Variants in SMARCAL1 observed in about 807,000 individuals in gnomAD.
The protein encoded by SMARCAL1 is ATP-driven annealing helicase.
In SMARCAL1, 58 loss-of-function variants were observed where a neutral mutation model predicts 94.5. The ratio of observed to expected loss-of-function variants is 0.61; its 90% confidence interval spans 0.50 to 0.76. The LOEUF (loss-of-function observed/expected upper bound fraction) is 0.76, where lower values mean the gene tolerates loss of function less well. Among genes scored for constraint, SMARCAL1 ranks in the 30% least tolerant of loss-of-function variants. The pLI is 0.00. For synonymous variants in SMARCAL1, 422 were observed against 455.1 expected, an observed-to-expected ratio of 0.93 and a Z score of 0.93; for missense variants, 1,051 against 1,177.9, an observed-to-expected ratio of 0.89 and a Z score of 1.58.
At chr2:216,460,430 C>T (rs1694668642) in intron 12 of SMARCAL1, among the ~76,000 whole-genome samples, 1 of 152,064 alleles carries the variant, frequency 6.6e-6, no homozygotes, top group African/African-American at 2.4e-5. Context: ...ACACTTGGAA[C>T]CAACCCAAAT....
chr2:216,477,911 C>T (rs1166863371), intron 16 of SMARCAL1, among the ~76,000 whole-genome samples: 2 of 152,118 alleles, frequency 1.3e-5, no homozygotes, highest in African/African-American at 4.8e-5. Context: ...AATTGGGCAG[C>T]TCATAATACC....
intron 16 of SMARCAL1, among the ~76,000 whole-genome samples, chr2:216,477,739 CA>C (rs527265765): frequency 1.1e-3 from 164 of 152,192 alleles, no homozygotes; most frequent in Non-Finnish European, 1.4e-3. Context: ...TGAAAAATCT[CA>C]AAAAGCTTCT....
chr2:216,423,505 A>T, intron 5 of SMARCAL1, 128 bp from the exon 6 acceptor site: 1 of 792,192 alleles, frequency 1.3e-6, no homozygotes, highest in Non-Finnish European at 2.2e-6. Context: ...AGTGCTAGGT[A>T]CAGGACCAGC....
chr2:216,457,807 AC>A (rs1694605354), intron 12 of SMARCAL1, among the ~76,000 whole-genome samples: 1 of 152,142 alleles, frequency 6.6e-6, no homozygotes, highest in Non-Finnish European at 1.5e-5. Flanking sequence ...CATTCAAAAG[AC>A]AGCAGAAGGC....
Position 216,432,937 on chromosome 2 carries a change from G to A in SMARCAL1, c.1485+69G>A, listed in dbSNP as rs938590628. ...TCAGTGTTAGAGTCATAAAATAATG[G>A]TTTGCAGACAGGGCCTAGGGATCTT... On this transcript the variant is annotated intron_variant, in intron 8 of 17. Coordinates refer to ENST00000357276, the MANE Select transcript of SMARCAL1 (RefSeq NM_014140.4). 2.5e-6 allele frequency: 4 copies of A among 1,588,890 alleles called. No homozygotes were observed. The Admixed American group carries it at 6.7e-5, about 27-fold the overall frequency.
At chr2:216,440,117 G>A (rs1224130835) in intron 10 of SMARCAL1, among the ~76,000 whole-genome samples, 1 of 151,862 alleles carries the variant, frequency 6.6e-6, no homozygotes, top group East Asian at 1.9e-4. Flanking sequence ...AATAGCCATT[G>A]ATGGACACAT....
At chr2:216,451,160 T>G in intron 12 of SMARCAL1, 96 bp downstream of exon 12, 1 of 990,568 alleles carries the variant, frequency 1.0e-6, no homozygotes, top group African/African-American at 1.6e-5. Context: ...TCTCTCAGCT[T>G]TCCTTTCTGT....
chr2:216,417,033 A>G (rs1574445216), intron 4 of SMARCAL1, among the ~76,000 whole-genome samples: 1 of 151,230 alleles, frequency 6.6e-6, no homozygotes, highest in African/African-American at 2.4e-5. Context: ...CATTTATTTT[A>G]CTCTTCTCCC....
chr2:216,446,181 C>G (rs932562896), intron 10 of SMARCAL1, among the ~76,000 whole-genome samples: 10 of 152,044 alleles, frequency 6.6e-5, no homozygotes, highest in Non-Finnish European at 1.2e-4. Flanking sequence ...GGTCTGATGC[C>G]CATGGGTCAG....
At chr2:216,443,669 T>C (rs768518008) in intron 10 of SMARCAL1, among the ~76,000 whole-genome samples, 2 of 152,214 alleles carry the variant, frequency 1.3e-5, no homozygotes, top group Non-Finnish European at 2.9e-5. Context: ...GAACATAGGC[T>C]AGAACCTAGA....
Position 216,451,022 on chromosome 2 carries a change from C to T in SMARCAL1, c.2028C>T (p.Ala676=), listed in dbSNP as rs751044842. The T allele has an allele frequency of 6.2e-7, 1 of 1,614,168 alleles. No homozygotes were observed. The highest frequency in any genetic ancestry group is 1.7e-5 in the Admixed American group (1 of 60,024). ...GGATCAATGCCAGGACCAGAGCTGCCCTGGATGCTGCAGCCAAGGAAATGA... is the reference window on the plus strand; with the variant it reads ...GGATCAATGCCAGGACCAGAGCTGCTCTGGATGCTGCAGCCAAGGAAATGA... ...PGRINARTRA[A]LDAAAKEMTT... The change falls in exon 12 of 18, where the codon GCC becomes GCT. Residue 676 remains alanine, a synonymous_variant. Coordinates refer to ENST00000357276, the MANE Select transcript of SMARCAL1 (RefSeq NM_014140.4).
At chr2:216,480,334 CTTCT>C (rs1428826141) in intron 17 of SMARCAL1, among the ~76,000 whole-genome samples, 1 of 152,164 alleles carries the variant, frequency 6.6e-6, no homozygotes, top group Non-Finnish European at 1.5e-5. Flanking sequence ...GATAGCCTTC[CTTCT>C]GAGAGGGGAA....
intron 17 of SMARCAL1, among the ~76,000 whole-genome samples, chr2:216,480,039 C>G (rs3114145): frequency 6.6e-6 from 1 of 152,184 alleles, no homozygotes; most frequent in Non-Finnish European, 1.5e-5. Flanking sequence ...GCAACAGAGA[C>G]AGACCTTGTC....
At chr2:216,430,255 G>A (rs1439252941) in intron 7 of SMARCAL1, among the ~76,000 whole-genome samples, 1 of 152,084 alleles carries the variant, frequency 6.6e-6, no homozygotes, top group South Asian at 2.1e-4. Context: ...GTGGGGGTTT[G>A]GCATTGGGGG....
chr2:216,435,271 G>A, intron 8 of SMARCAL1, 67 bp from the exon 9 acceptor site: 1 of 1,557,386 alleles, frequency 6.4e-7, no homozygotes, highest in African/African-American at 1.4e-5. Context: ...TGAGACTGCT[G>A]CTGTCACAAC....
At chr2:216,449,447 G>A (rs930740603) in intron 11 of SMARCAL1, among the ~76,000 whole-genome samples, 1 of 151,718 alleles carries the variant, frequency 6.6e-6, no homozygotes, top group Non-Finnish European at 1.5e-5. Flanking sequence ...ACTGAAAAGA[G>A]AACCTCATGC....
At chr2:216,462,163 A>G (rs1164414843) in intron 12 of SMARCAL1, among the ~76,000 whole-genome samples, 1 of 152,224 alleles carries the variant, frequency 6.6e-6, no homozygotes, top group East Asian at 1.9e-4. Flanking sequence ...TCATACTCTC[A>G]TCAACTCTAG....
At chr2:216,438,321 C>T (rs544061486) in intron 9 of SMARCAL1, 99 bp from the exon 10 acceptor site, 1,282 of 981,128 alleles carry the variant, frequency 1.3e-3, no homozygotes, top group Non-Finnish European at 1.8e-3. Flanking sequence ...AGGGAGCATC[C>T]ACCTTGCACT....
intron 12 of SMARCAL1, among the ~76,000 whole-genome samples, chr2:216,460,589 A>G: frequency 7.3e-6 from 1 of 137,864 alleles, no homozygotes; most frequent in Non-Finnish European, 1.7e-5. Flanking sequence ...CGCAAGGACA[A>G]AAAACCAAAC....
Sources: allele counts gnomAD v4.1 joint callset (sites outside exome capture counted in the v4.1 genomes callset), GRCh38; gene constraint gnomAD v4.1.1; transcripts MANE v1.5; gene names NCBI Gene and HGNC (gene_info 2026-07-23, HGNC 2026-07-21).